The following SYTL5 variants were observed in gnomAD, a reference collection of about 807,000 sequenced individuals.
SYTL5 encodes the protein synaptotagmin like 5.
Under a neutral mutation model 55.9 loss-of-function variants are expected in SYTL5, and 34 were observed. The ratio of observed to expected loss-of-function variants is 0.61; its 90% CI spans 0.46 to 0.81. The LOEUF is 0.81. Ranked by LOEUF, SYTL5 falls within the 30% of genes least tolerant of loss-of-function variation. The pLI, the probability that SYTL5 is intolerant of heterozygous loss-of-function variation, is 0.00. For synonymous variants in SYTL5, 221 were observed against 188.7 expected (o/e 1.17, Z -1.40); for missense variants, 637 against 546.7 (o/e 1.17, Z -1.65).
At chrX:38,054,130 A>C in intron 2 of SYTL5, 83 bp from the exon 3 acceptor site, 1 of 714,639 alleles carries the variant, frequency 1.4e-6, no homozygotes, top group Non-Finnish European at 2.1e-6. Flanking sequence ...TATTCTATCT[A>C]TTTTAGACAT....
At chrX:38,092,560 C>T (rs1936825345) in intron 7 of SYTL5, among the ~76,000 whole-genome samples, 1 of 111,119 alleles carries the variant, frequency 9.0e-6, no homozygotes, top group Non-Finnish European at 1.9e-5. Context: ...TGAGCAGACT[C>T]AGCAAACAAG....
chrX:37,902,617 C>G, the SYTL5 span, among the ~76,000 whole-genome samples: 1 of 111,681 alleles, frequency 9.0e-6, no homozygotes, highest in Non-Finnish European at 1.9e-5. Flanking sequence ...TTGTTCACAT[C>G]TTTCCTGGCA....
chrX:38,079,722 G>A (rs1011202367), intron 6 of SYTL5, among the ~76,000 whole-genome samples: 3 of 111,974 alleles, frequency 2.7e-5, no homozygotes, highest in African/African-American at 9.7e-5. Context: ...CTAAACAATG[G>A]TGCTAGCTCC....
At chrX:38,012,980 C>T (rs1255463945) in intron 1 of SYTL5, among the ~76,000 whole-genome samples, 1 of 112,079 alleles carries the variant, frequency 8.9e-6, no homozygotes, top group East Asian at 2.8e-4. Context: ...AATCACTTCC[C>T]ACTAATTGAG....
the SYTL5 span, among the ~76,000 whole-genome samples, chrX:37,978,492 C>T: frequency 8.9e-6 from 1 of 112,239 alleles, no homozygotes; most frequent in Non-Finnish European, 1.9e-5. Context: ...TATGTGATCA[C>T]ATAACCTGGT....
chrX:38,065,496 T>G (rs1057485381), intron 3 of SYTL5, among the ~76,000 whole-genome samples: 2 of 112,175 alleles, frequency 1.8e-5, no homozygotes, highest in Non-Finnish European at 3.8e-5. Flanking sequence ...TCCCAGCACT[T>G]TGAAGATGTG....
chrX:37,976,241 T>C, the SYTL5 span, among the ~76,000 whole-genome samples: 1 of 112,817 alleles, frequency 8.9e-6, no homozygotes, highest in Non-Finnish European at 1.9e-5. Context: ...TCAACTGTTA[T>C]CAAGAAAAGA....
In SYTL5 at chrX:38,094,374, A is replaced by G; in HGVS notation, c.911A>G (p.Asn304Ser). ...GAGCTCACAAAGAGTCACCGCAGAA[A>G]CACTTCTGGCACACCTTCCATAGCA... Reference protein sequence around the residue: ...SQELTKSHRRNTSGTPSIAVS... With the variant: ...SQELTKSHRRSTSGTPSIAVS... The change falls in exon 8 of 17, where the codon AAC becomes AGC. Residue 304 changes from asparagine to serine, a missense_variant. Physicochemically the swap from Asn to Ser is conservative, Grantham distance 46. Transcript: ENST00000297875. The G allele has an allele frequency of 8.3e-7, 1 of 1,206,880 alleles. No individual in the cohort carries two copies. Among genetic ancestry groups the G allele is most frequent in the Non-Finnish European group, 1.1e-6 (1 of 892,206 alleles).
At chrX:38,112,156 T>G (rs5917537) in intron 13 of SYTL5, among the ~76,000 whole-genome samples, 33,653 of 110,484 alleles carry the variant, frequency 0.3, 4,340 homozygotes, top group African/African-American at 0.46. Flanking sequence ...AACCATGTCT[T>G]TTAGGAGATT....
At chrX:37,934,280 T>G in the SYTL5 span, among the ~76,000 whole-genome samples, 1 of 110,513 alleles carries the variant, frequency 9.0e-6, no homozygotes, top group East Asian at 2.9e-4. Flanking sequence ...TATAAAGAGC[T>G]GAAGGAAACC....
At chrX:38,007,852 GCT>G (rs1370741272) in intron 1 of SYTL5, among the ~76,000 whole-genome samples, 4 of 111,251 alleles carry the variant, frequency 3.6e-5, no homozygotes, top group African/African-American at 1.3e-4. Context: ...ATGTCTTACT[GCT>G]CTTTTAGTTG....
At chrX:38,064,065 ATATGTG>A (rs1569173737) in intron 3 of SYTL5, among the ~76,000 whole-genome samples, 1 of 96,727 alleles carries the variant, frequency 1.0e-5, no homozygotes, top group African/African-American at 4.3e-5. Context: ...ATACATATAT[ATATGTG>A]TGTGTGTGTG....
the SYTL5 span, among the ~76,000 whole-genome samples, chrX:37,892,372 T>C: frequency 1.9e-5 from 2 of 105,771 alleles, no homozygotes; most frequent in Admixed American, 1.1e-4. Context: ...ATAATATATA[T>C]AATACTTCAA....
chrX:38,037,360 G>A (rs1037620913), intron 2 of SYTL5, among the ~76,000 whole-genome samples: 1 of 111,717 alleles, frequency 9.0e-6, no homozygotes, highest in African/African-American at 3.3e-5. Flanking sequence ...TACATAAGTC[G>A]CTTGCACACA....
the SYTL5 span, among the ~76,000 whole-genome samples, chrX:37,892,927 C>A: frequency 1.6e-4 from 4 of 24,268 alleles, no homozygotes; most frequent in South Asian, 3.3e-3. Context: ...ACATACCACA[C>A]TCTATACTAT....
the SYTL5 span, among the ~76,000 whole-genome samples, chrX:37,916,805 T>C: frequency 8.9e-6 from 1 of 112,098 alleles, no homozygotes; most frequent in African/African-American, 3.2e-5. Flanking sequence ...GTATGGCACA[T>C]TTGCTACAGC....
chrX:38,054,526 G>A (rs903426904), intron 3 of SYTL5, 104 bp downstream of exon 3: 4 of 798,721 alleles, frequency 5.0e-6, no homozygotes, highest in African/African-American at 4.2e-5. Context: ...AGGATAGAGA[G>A]TGCAGGTGAA....
At chrX:37,996,533 A>T in the SYTL5 span, among the ~76,000 whole-genome samples, 1 of 112,508 alleles carries the variant, frequency 8.9e-6, no homozygotes, top group Non-Finnish European at 1.9e-5. Context: ...CAGGCCAGGG[A>T]TCACAAGCAG....
At chrX:38,081,689 G>A (rs1936534767) in intron 6 of SYTL5, among the ~76,000 whole-genome samples, 1 of 112,006 alleles carries the variant, frequency 8.9e-6, no homozygotes, top group Non-Finnish European at 1.9e-5. Flanking sequence ...GGCAACTAGA[G>A]CTCAATCTCA....
Sources: gnomAD v4.1 joint callset for allele counts (sites outside exome capture counted in the v4.1 genomes callset) on GRCh38, gnomAD v4.1.1 for gene constraint, MANE v1.5 for transcripts, NCBI Gene and HGNC (gene_info 2026-07-23, HGNC 2026-07-21) for gene names.